The following CNTNAP5 variants were observed in gnomAD, a reference collection of about 807,000 sequenced individuals.
CNTNAP5 encodes contactin-associated protein-like 5.
A neutral mutation model predicts 150.2 loss-of-function variants in CNTNAP5; 72 were observed. The ratio of observed to expected loss-of-function variants is 0.48; its 90% CI spans 0.40 to 0.58. The LOEUF (loss-of-function observed/expected upper bound fraction) is 0.58, where lower values mean the gene tolerates loss of function less well. Among genes scored for constraint, CNTNAP5 ranks in the 20% least tolerant of loss-of-function variants. The probability of loss-of-function intolerance (pLI) is 0.00; values close to 1 mark genes in which losing one functional copy is unlikely to be tolerated. For synonymous variants in CNTNAP5, 672 were observed against 619.8 expected, an observed-to-expected ratio of 1.08 and a Z score of -1.25; for missense variants, 1,636 against 1,626.2, an observed-to-expected ratio of 1.01 and a Z score of -0.10.
At chr2:124,571,765 C>T (rs1286506361) in intron 11 of CNTNAP5, among the ~76,000 whole-genome samples, 1 of 151,642 alleles carries the variant, frequency 6.6e-6, no homozygotes, top group Non-Finnish European at 1.5e-5. Context: ...CTCCTGACTT[C>T]AGGTGATCCA....
intron 19 of CNTNAP5, among the ~76,000 whole-genome samples, chr2:124,859,377 T>A (rs1010627156): frequency 6.6e-6 from 1 of 152,326 alleles, no homozygotes; most frequent in African/African-American, 2.4e-5. Context: ...TCATACCAGT[T>A]AGAATGGCAA....
intron 1 of CNTNAP5, among the ~76,000 whole-genome samples, chr2:124,162,196 A>G (rs924662867): frequency 6.6e-6 from 1 of 152,228 alleles, no homozygotes; most frequent in African/African-American, 2.4e-5. Context: ...AGCCTGGCAC[A>G]TAATAAGTAC....
intron 13 of CNTNAP5, among the ~76,000 whole-genome samples, chr2:124,716,332 A>T (rs1174873883): frequency 6.6e-6 from 1 of 152,154 alleles, no homozygotes; most frequent in African/African-American, 2.4e-5. Context: ...AAAAATTGCC[A>T]TCAACATATA....
At chr2:124,797,211 A>G (rs1477812508) in intron 18 of CNTNAP5, among the ~76,000 whole-genome samples, 1 of 152,218 alleles carries the variant, frequency 6.6e-6, no homozygotes, top group Non-Finnish European at 1.5e-5. Context: ...CCGGCATGAA[A>G]CCAAGTGAGA....
Position 124,025,300 on chromosome 2 carries a change from G to C in CNTNAP5, c.-351G>C. On this transcript the variant is annotated 5_prime_UTR_variant, in exon 1 of 24. Transcript: ENST00000682447. The stretch of plus-strand genomic sequence containing the variant: ...CACCCGGGTGCTGATTCCAGCTCTC[G>C]CGCCCGACGAGGTGGATTTGGCTGT... 3.7e-6 allele frequency: 1 copy of C among 268,998 alleles called. No homozygotes were observed. The highest frequency in any genetic ancestry group is 4.8e-5 in the South Asian group (1 of 21,008). The allele number at this position is 268,998 out of a possible 1,614,324, so 16.7% of individuals were successfully genotyped here.
chr2:124,118,184 C>T (rs969478420), intron 1 of CNTNAP5, among the ~76,000 whole-genome samples: 1 of 151,882 alleles, frequency 6.6e-6, no homozygotes, highest in Non-Finnish European at 1.5e-5. Context: ...ATGTATATAT[C>T]TTTTTATATA....
At chr2:124,484,927 A>G (rs1354674185) in intron 7 of CNTNAP5, among the ~76,000 whole-genome samples, 1 of 152,210 alleles carries the variant, frequency 6.6e-6, no homozygotes, top group Non-Finnish European at 1.5e-5. Context: ...CTGTGTTTTT[A>G]TAAATTCCTA....
At position 124,707,043 on chromosome 2, in the gene CNTNAP5, AGG is replaced by A. The variant is rs1558743491; in HGVS notation, c.2078-40185_2078-40184del. Among the ~76,000 whole-genome samples the A allele has an allele frequency of 3.1e-4, 39 of 125,644 alleles. 3 individuals are homozygous for A. Among genetic ancestry groups the A allele is most frequent in the African/African-American group, 1.0e-3 (31 of 30,354 alleles). 82.4% of individuals were successfully genotyped at this position (125,644 alleles called of 152,430 possible). On this transcript the variant is annotated intron_variant, in intron 13 of 23. Coordinates refer to ENST00000682447, the MANE Select transcript of CNTNAP5 (RefSeq NM_001367498.1). ...GAGAAGAAGAAGAAGAAGAAGAAGG[AGG>A]AGGAGGAGGAGGAGGAGAGGAAGAG... is the stretch of plus-strand genomic sequence containing the variant.
chr2:124,753,671 G>A (rs1680777914), intron 14 of CNTNAP5, among the ~76,000 whole-genome samples: 1 of 152,144 alleles, frequency 6.6e-6, no homozygotes, highest in African/African-American at 2.4e-5. Flanking sequence ...AGCTTGAACA[G>A]TAGTTCATTG....
chr2:124,195,586 T>C (rs897039631), intron 1 of CNTNAP5, among the ~76,000 whole-genome samples: 5 of 152,156 alleles, frequency 3.3e-5, no homozygotes, highest in Non-Finnish European at 7.3e-5. Flanking sequence ...TGTCCATTCC[T>C]GTATATCCCA....
chr2:124,790,137 A>T lies in CNTNAP5; in HGVS notation c.2988A>T (p.Lys996Asn). Reference protein sequence around the residue: ...TNSPYEGPFCKKEVSAVFEAG... With the variant: ...TNSPYEGPFCNKEVSAVFEAG... ...CACCTTATGAAGGGCCCTTTTGCAAAAAAGGTACCTTAGGCGCTCCTGTTT... is the reference window on the plus strand; with the variant it reads ...CACCTTATGAAGGGCCCTTTTGCAATAAAGGTACCTTAGGCGCTCCTGTTT... Residue 996 changes from lysine (K) to asparagine (N), a missense_variant, in exon 18 of 24, where the codon AAA (lysine) becomes AAT (asparagine). Lys to Asn is a moderately conservative substitution (Grantham distance 94, BLOSUM62 0). Transcript: ENST00000682447. 1 of 1,612,498 alleles carries T rather than the reference A, an allele frequency of 6.2e-7. No individual in the cohort carries two copies. The highest frequency in any genetic ancestry group is 1.1e-5 in the South Asian group (1 of 90,894).
intron 7 of CNTNAP5, 138 bp downstream of exon 7, chr2:124,475,020 TG>T: frequency 6.2e-6 from 4 of 641,700 alleles, no homozygotes; most frequent in Non-Finnish European, 1.0e-5. Flanking sequence ...GACGTGACAC[TG>T]GAGAGAAAGA....
intron 1 of CNTNAP5, among the ~76,000 whole-genome samples, chr2:124,115,592 G>T (rs1683407683): frequency 6.6e-6 from 1 of 151,386 alleles, no homozygotes; most frequent in Non-Finnish European, 1.5e-5. Context: ...ATGAAACTAG[G>T]ATTTCTCTTC....
At chr2:124,602,771 G>A (rs1558700262) in intron 11 of CNTNAP5, among the ~76,000 whole-genome samples, 1 of 152,158 alleles carries the variant, frequency 6.6e-6, no homozygotes, top group Non-Finnish European at 1.5e-5. Context: ...GGAATTACAG[G>A]TGTGAACCAC....
intron 12 of CNTNAP5, among the ~76,000 whole-genome samples, chr2:124,613,581 G>A (rs1677431962): frequency 6.6e-6 from 1 of 152,220 alleles, no homozygotes; most frequent in Non-Finnish European, 1.5e-5. Context: ...TCATGGGACT[G>A]AAGATGGACA....
intron 4 of CNTNAP5, among the ~76,000 whole-genome samples, chr2:124,418,153 G>A (rs1462812543): frequency 6.6e-6 from 1 of 152,110 alleles, no homozygotes; most frequent in African/African-American, 2.4e-5. Context: ...TCTAGAATAA[G>A]GTTAAAATTA....
rs1691747166 is a variant in CNTNAP5, at chr2:124,411,084, A to G, written c.382-6359A>G. Among the ~76,000 whole-genome samples, 3 of 152,256 alleles carry G rather than the reference A, an allele frequency of 2.0e-5. No homozygotes were observed. The South Asian group carries it at 6.2e-4, about 32-fold the overall frequency. On this transcript the variant is annotated intron_variant, in intron 3 of 23. Coordinates refer to ENST00000682447, the MANE Select transcript of CNTNAP5 (RefSeq NM_001367498.1). ...TCCCACAGAAATACAAACTACCATC[A>G]GAGAATACTACAAACACCTCTATGC...
At position 124,504,171 on chromosome 2, in the gene CNTNAP5, C is replaced by A. The variant is rs188268556; in HGVS notation, c.1063-121C>A. Reference sequence around the variant, plus strand: ...CCGACATTTTTTTCTTCTTTAAGATCTTGCCGCTGAATGTGGAATGATCCT... The same window carrying A: ...CCGACATTTTTTTCTTCTTTAAGATATTGCCGCTGAATGTGGAATGATCCT... On this transcript the variant is annotated intron_variant, in intron 7 of 23. Coordinates refer to ENST00000682447, the MANE Select transcript of CNTNAP5 (RefSeq NM_001367498.1). 1,197 of 990,880 alleles carry A rather than the reference C, an allele frequency of 1.2e-3. 3 individuals carry two copies. Among genetic ancestry groups the A allele is most frequent in the Non-Finnish European group, 1.7e-3 (1,146 of 663,838 alleles). The allele number at this position is 990,880 out of a possible 1,614,324, so 61.4% of individuals were successfully genotyped here. A position where few individuals can be genotyped will look rare whatever the true frequency, so the allele number is the denominator to read the frequency against.
intron 1 of CNTNAP5, among the ~76,000 whole-genome samples, chr2:124,082,252 G>T (rs1034936695): frequency 6.6e-6 from 1 of 151,456 alleles, no homozygotes; most frequent in African/African-American, 2.4e-5. Context: ...GGGAGGCTGA[G>T]GCAGGAGAAT....
Sources: gnomAD v4.1 joint callset for allele counts (sites outside exome capture counted in the v4.1 genomes callset) on GRCh38, gnomAD v4.1.1 for gene constraint, MANE v1.5 for transcripts, NCBI Gene and HGNC (gene_info 2026-07-23, HGNC 2026-07-21) for gene names.